Variants in SYT16 observed in about 807,000 individuals in gnomAD.
The protein encoded by SYT16 is synaptotagmin-16.
In SYT16, 42 loss-of-function variants were observed where a neutral mutation model predicts 61.4. That is an observed-to-expected ratio of 0.68 (90% CI 0.53 to 0.89). The LOEUF is 0.89. SYT16 is among the 40% of genes least tolerant of loss of function. The pLI is 0.00. For missense variants in SYT16, 804 were observed against 807.3 expected, an observed-to-expected ratio of 1.00 and a Z score of 0.05; for synonymous variants, 314 against 302.3, an observed-to-expected ratio of 1.04 and a Z score of -0.40.
At chr14:61,940,745 C>A (rs148010342) in intron 1 of SYT16, among the ~76,000 whole-genome samples, 4 of 152,280 alleles carry the variant, frequency 2.6e-5, no homozygotes, top group African/African-American at 9.6e-5. Context: ...GCCCCTTCTC[C>A]ATTTCCCTCC....
At chr14:62,069,081 C>G (rs996658562) in intron 3 of SYT16, among the ~76,000 whole-genome samples, 9 of 152,210 alleles carry the variant, frequency 5.9e-5, no homozygotes, top group African/African-American at 2.2e-4. Context: ...CAGGCGTGAG[C>G]CACTGCGTCT....
chr14:62,061,284 A>T (rs1378174019), intron 3 of SYT16, among the ~76,000 whole-genome samples: 1 of 152,160 alleles, frequency 6.6e-6, no homozygotes, highest in Non-Finnish European at 1.5e-5. Flanking sequence ...ATTAAAATTG[A>T]ATTCTAAGCA....
intron 5 of SYT16, chr14:62,079,265 C>T (rs767279064): frequency 3.7e-5 from 27 of 726,956 alleles, no homozygotes; most frequent in Admixed American, 2.9e-4. Context: ...GAAACACTCA[C>T]GCATGATTGC....
chr14:62,109,353 A>T lies in SYT16; in HGVS notation c.*8646A>T, dbSNP rs1198595046. On this transcript the variant is annotated 3_prime_UTR_variant, in exon 8 of 8. Coordinates refer to ENST00000683842, the MANE Select transcript of SYT16 (RefSeq NM_001367656.1). ...ATGTCTTTTTATGGCTTGATAGTTC[A>T]TTTATTTTAAGTGCTGAATAATATT... 1.4e-5 allele frequency: 2 copies of T among 147,652 alleles called. No individual in the cohort carries two copies. The allele number at this position is 147,652 out of a possible 1,614,324, so 9.1% of individuals were successfully genotyped here. A position where few individuals can be genotyped will look rare whatever the true frequency, so the allele number is the denominator to read the frequency against.
intron 3 of SYT16, among the ~76,000 whole-genome samples, chr14:62,003,368 GTTCTGTAC>G (rs2053098334): frequency 6.6e-6 from 1 of 151,746 alleles, no homozygotes; most frequent in Non-Finnish European, 1.5e-5. Flanking sequence ...ACTCCCATGG[GTTCTGTAC>G]TTCTGTGCTA....
At chr14:61,954,492 G>A (rs1229754447) in intron 1 of SYT16, among the ~76,000 whole-genome samples, 1 of 152,022 alleles carries the variant, frequency 6.6e-6, no homozygotes, top group East Asian at 1.9e-4. Flanking sequence ...AGTTAACTTT[G>A]AGGAAGTTTT....
rs191005746 is a variant in SYT16 at position 61,999,723 on chromosome 14, G to C, written c.523+3181G>C. On this transcript the variant is annotated intron_variant, in intron 3 of 7. Transcript: ENST00000683842. ...TTTCCCTCTCAGCAATGCTTTAGCT[G>C]TATCTAATAAGTATGAATGTATTTT... Among the ~76,000 whole-genome samples the C allele has an allele frequency of 1.8e-4, 27 of 151,786 alleles. No individual in the cohort carries two copies. In the East Asian group the frequency reaches 5.0e-3, roughly 28 times the overall value.
chr14:61,824,598 C>T (rs1293865416), intron 1 of SYT16, among the ~76,000 whole-genome samples: 3 of 152,146 alleles, frequency 2.0e-5, no homozygotes, highest in African/African-American at 2.4e-5. Flanking sequence ...ATGATCCGCC[C>T]GCCTGAGCCT....
chr14:62,057,589 C>T (rs2140908250), intron 3 of SYT16, among the ~76,000 whole-genome samples: 1 of 152,196 alleles, frequency 6.6e-6, no homozygotes, highest in Middle Eastern at 3.4e-3. Flanking sequence ...GGCTTCTTTC[C>T]TAGGTTTAGG....
At chr14:62,064,334 G>GAAAAAAAAA (rs781727444) in intron 3 of SYT16, among the ~76,000 whole-genome samples, 264 of 42,872 alleles carry the variant, frequency 6.2e-3, no homozygotes, top group East Asian at 0.013. Flanking sequence ...CTTTAAATTT[G>GAAAAAAAAA]AAAAAAAAAA....
chr14:62,078,153 C>A (rs866043617), intron 5 of SYT16, among the ~76,000 whole-genome samples: 1,237 of 101,652 alleles, frequency 0.012, 17 homozygotes, highest in African/African-American at 0.047. Context: ...CTCTCTCTCT[C>A]TCTATATATA....
chr14:62,076,160 A>G (rs2056488894), intron 5 of SYT16, among the ~76,000 whole-genome samples: 1 of 152,174 alleles, frequency 6.6e-6, no homozygotes, highest in South Asian at 2.1e-4. Flanking sequence ...ATTTTACCAA[A>G]TTGTTTCCTT....
At chr14:61,911,928 G>A (rs2048950409) in intron 1 of SYT16, among the ~76,000 whole-genome samples, 1 of 152,164 alleles carries the variant, frequency 6.6e-6, no homozygotes, top group East Asian at 1.9e-4. Flanking sequence ...GCGCAGTTAC[G>A]GGGAAACAAA....
At chr14:61,851,341 T>G (rs1399708226) in intron 1 of SYT16, among the ~76,000 whole-genome samples, 1 of 152,226 alleles carries the variant, frequency 6.6e-6, no homozygotes, top group East Asian at 1.9e-4. Context: ...TCCATGTCTT[T>G]GCTATTGTGA....
chr14:61,907,756 T>C (rs1452862053), intron 1 of SYT16, among the ~76,000 whole-genome samples: 1 of 152,206 alleles, frequency 6.6e-6, no homozygotes, highest in Non-Finnish European at 1.5e-5. Flanking sequence ...CAGGTAACTC[T>C]GGCACAATAT....
At chr14:61,819,925 T>C (rs1378094457) in intron 1 of SYT16, among the ~76,000 whole-genome samples, 1 of 152,198 alleles carries the variant, frequency 6.6e-6, no homozygotes, top group Non-Finnish European at 1.5e-5. Context: ...AACATATGCA[T>C]TAATAAATGT....
chr14:61,883,622 A>G (rs2140322972), intron 1 of SYT16, among the ~76,000 whole-genome samples: 1 of 152,118 alleles, frequency 6.6e-6, no homozygotes, highest in Admixed American at 6.5e-5. Context: ...AGCCCTCCAA[A>G]CTGTTCCATC....
intron 1 of SYT16, among the ~76,000 whole-genome samples, chr14:61,842,790 G>C (rs566518590): frequency 1.3e-5 from 2 of 150,402 alleles, no homozygotes; most frequent in African/African-American, 4.9e-5. Context: ...TGGGGGGAGC[G>C]GGGAGGGATA....
At chr14:62,010,087 T>C (rs1434836374) in intron 3 of SYT16, among the ~76,000 whole-genome samples, 1 of 152,174 alleles carries the variant, frequency 6.6e-6, no homozygotes, top group Non-Finnish European at 1.5e-5. Flanking sequence ...TGACCAATAG[T>C]GTAGTGAAAG....
Sources: gnomAD v4.1 joint callset for allele counts (sites outside exome capture counted in the v4.1 genomes callset) on GRCh38, gnomAD v4.1.1 for gene constraint, MANE v1.5 for transcripts, NCBI Gene and HGNC (gene_info 2026-07-23, HGNC 2026-07-21) for gene names.